CCDC102B: variants seen among roughly 807,000 people sequenced by gnomAD.
The protein encoded by CCDC102B is coiled-coil domain containing 102B.
A neutral mutation model predicts 57.4 loss-of-function variants in CCDC102B; 75 were observed. The observed-to-expected ratio is 1.31, with a 90% CI of 1.08 to 1.58. CCDC102B has a LOEUF of 1.58. Among genes scored for constraint, CCDC102B ranks in the 40% most tolerant of loss-of-function variants. The probability of loss-of-function intolerance (pLI) is 0.00; values close to 1 mark genes in which losing one functional copy is unlikely to be tolerated. For synonymous variants in CCDC102B, 206 were observed against 201.9 expected (o/e 1.02, Z -0.17); for missense variants, 636 against 582.6 (o/e 1.09, Z -0.94).
At chr18:68,939,740 C>T (rs1410076178) in intron 6 of CCDC102B, among the ~76,000 whole-genome samples, 1 of 151,826 alleles carries the variant, frequency 6.6e-6, no homozygotes, top group African/African-American at 2.4e-5. Context: ...GATGTCTCCT[C>T]ATTCTGCTTT....
At chr18:69,005,482 T>C (rs950015824) in intron 6 of CCDC102B, among the ~76,000 whole-genome samples, 2 of 152,084 alleles carry the variant, frequency 1.3e-5, no homozygotes, top group Admixed American at 1.3e-4. Flanking sequence ...AATAGTACTT[T>C]TAAATTTCCT....
chr18:68,833,544 CA>C lies in CCDC102B; in HGVS notation c.-15-3203del, dbSNP rs1425200702. Reference sequence around the variant, plus strand: ...TGCCTGCAAGGTAGCTAGGGCTAACCAATCTGCAGGCCTTTTCCCTTTTAAT... The same window carrying C: ...TGCCTGCAAGGTAGCTAGGGCTAACCATCTGCAGGCCTTTTCCCTTTTAAT... On this transcript the variant is annotated intron_variant, in intron 1 of 7. Coordinates refer to ENST00000360242, the MANE Select transcript of CCDC102B (RefSeq NM_024781.3). 5.3e-5 allele frequency among the ~76,000 whole-genome samples: 8 copies of C among 152,068 alleles called. No individual in the cohort carries two copies. The East Asian group carries it at 1.5e-3, about 29-fold the overall frequency.
chr18:68,768,619 T>C (rs1366624382), intron 2 of CCDC102B, among the ~76,000 whole-genome samples: 1 of 152,184 alleles, frequency 6.6e-6, no homozygotes, highest in Non-Finnish European at 1.5e-5. Context: ...AGAAGTTCAA[T>C]ATAGTGAGAT....
rs77692336 is a variant in CCDC102B at position 68,833,247 on chromosome 18, T to A, written c.-15-3502T>A. 5.6e-4 allele frequency among the ~76,000 whole-genome samples: 86 copies of A among 152,282 alleles called. No homozygotes were observed. The East Asian group carries it at 0.017, about 29-fold the overall frequency. ...ATACATCAGAGCCTAAGCCCTAGTT[T>A]CTTTATCATTAAGACGGGGATAATA... On this transcript the variant is annotated intron_variant, in intron 1 of 7. Coordinates refer to ENST00000360242, the MANE Select transcript of CCDC102B (RefSeq NM_024781.3).
At chr18:68,924,519 A>G (rs1428300946) in intron 6 of CCDC102B, among the ~76,000 whole-genome samples, 1 of 152,054 alleles carries the variant, frequency 6.6e-6, no homozygotes, top group African/African-American at 2.4e-5. Context: ...TCCTTTATAA[A>G]TTACCCAGTC....
rs146910348 is a variant in CCDC102B, at chr18:69,002,836, T to C, written c.1264-8098T>C. 2.7e-3 allele frequency among the ~76,000 whole-genome samples: 407 copies of C among 152,296 alleles called. 1 individual carries two copies. The highest frequency in any genetic ancestry group is 9.6e-3 in the African/African-American group (399 of 41,582). Reference sequence around the variant, plus strand: ...TGAAACAAAAATTAGATTCAAACTCTATACCAGGATTTTAAGATCTTTACC... The same window carrying C: ...TGAAACAAAAATTAGATTCAAACTCCATACCAGGATTTTAAGATCTTTACC... On this transcript the variant is annotated intron_variant, in intron 6 of 7. Coordinates refer to ENST00000360242, the MANE Select transcript of CCDC102B (RefSeq NM_024781.3).
chr18:68,826,331 T>C (rs1398397506), intron 1 of CCDC102B, among the ~76,000 whole-genome samples: 1 of 151,774 alleles, frequency 6.6e-6, no homozygotes, highest in Non-Finnish European at 1.5e-5. Flanking sequence ...CAGGATTTAG[T>C]TTCTGGGAGC....
At chr18:68,929,249 G>C (rs1314276015) in intron 6 of CCDC102B, among the ~76,000 whole-genome samples, 1 of 151,890 alleles carries the variant, frequency 6.6e-6, no homozygotes, top group Non-Finnish European at 1.5e-5. Flanking sequence ...CCACACAGCA[G>C]GGGTGTTGAA....
intron 2 of CCDC102B, among the ~76,000 whole-genome samples, chr18:68,789,107 A>G (rs1599462437): frequency 6.6e-6 from 1 of 152,174 alleles, no homozygotes; most frequent in Non-Finnish European, 1.5e-5. Context: ...TTGGCTGGAT[A>G]TGAAATTCTG....
At chr18:68,766,690 T>C (rs1475629085) in intron 2 of CCDC102B, among the ~76,000 whole-genome samples, 1 of 152,144 alleles carries the variant, frequency 6.6e-6, no homozygotes, top group African/African-American at 2.4e-5. Context: ...TATCTTTTCA[T>C]TTTGGATACT....
At chr18:68,838,625 T>C in intron 2 of CCDC102B, 81 bp from the exon 3 acceptor site, 2 of 1,534,458 alleles carry the variant, frequency 1.3e-6, no homozygotes, top group Non-Finnish European at 1.8e-6. Flanking sequence ...TATCGTAACA[T>C]TTATTTCTTT....
chr18:68,754,271 A>T (rs555692734), intron 2 of CCDC102B: 1 of 152,222 alleles, frequency 6.6e-6, no homozygotes, highest in Non-Finnish European at 1.5e-5. Flanking sequence ...AGATTAAAAA[A>T]ATACAGAAAA....
intron 5 of CCDC102B, among the ~76,000 whole-genome samples, chr18:68,888,269 A>T (rs993788297): frequency 6.6e-6 from 1 of 152,196 alleles, no homozygotes; most frequent in Non-Finnish European, 1.5e-5. Flanking sequence ...TTAATGCGTC[A>T]GGTGTTATAT....
chr18:68,840,933 T>A (rs1357601968), intron 3 of CCDC102B, among the ~76,000 whole-genome samples: 1 of 152,148 alleles, frequency 6.6e-6, no homozygotes, highest in African/African-American at 2.4e-5. Flanking sequence ...CAGTCTATAA[T>A]CCATAGACAG....
chr18:68,869,087 C>T (rs1376396052), intron 4 of CCDC102B, among the ~76,000 whole-genome samples: 1 of 151,690 alleles, frequency 6.6e-6, no homozygotes, highest in South Asian at 2.1e-4. Context: ...AACACAGAAA[C>T]GAGAAGAAAA....
intron 6 of CCDC102B, among the ~76,000 whole-genome samples, chr18:68,968,006 CA>C (rs1459403370): frequency 6.6e-6 from 1 of 151,930 alleles, no homozygotes; most frequent in Non-Finnish European, 1.5e-5. Context: ...ATTCATAAGG[CA>C]AATGGAAATC....
chr18:68,717,334 G>A (rs1387574172), intron 2 of CCDC102B, among the ~76,000 whole-genome samples: 2 of 152,190 alleles, frequency 1.3e-5, no homozygotes, highest in African/African-American at 2.4e-5. Context: ...TGGATCACTG[G>A]ATTGGGGAGA....
chr18:68,970,443 G>A (rs987783370), intron 6 of CCDC102B, among the ~76,000 whole-genome samples: 12 of 151,750 alleles, frequency 7.9e-5, no homozygotes, highest in African/African-American at 2.9e-4. Flanking sequence ...CTAACTTGGA[G>A]ATGTAATATG....
intron 6 of CCDC102B, among the ~76,000 whole-genome samples, chr18:68,926,126 G>T (rs1206221389): frequency 6.6e-6 from 1 of 151,834 alleles, no homozygotes; most frequent in East Asian, 1.9e-4. Flanking sequence ...AAAGTTAATG[G>T]AATATTTCAT....
Sources: allele counts gnomAD v4.1 joint callset (sites outside exome capture counted in the v4.1 genomes callset), GRCh38; gene constraint gnomAD v4.1.1; transcripts MANE v1.5; gene names NCBI Gene and HGNC (gene_info 2026-07-23, HGNC 2026-07-21).